RBPJ: variants seen among roughly 807,000 people sequenced by gnomAD.
RBPJ encodes the protein recombination signal binding protein for immunoglobulin kappa J region, also known as recombining binding protein suppressor of hairless.
In RBPJ, 9 loss-of-function variants were observed where a neutral mutation model predicts 67.8. The observed-to-expected ratio is 0.13, with a 90% CI of 0.08 to 0.23. The LOEUF (loss-of-function observed/expected upper bound fraction) is 0.23. Ranked by LOEUF, RBPJ falls within the 10% of genes least tolerant of loss-of-function variation. The pLI, the probability that RBPJ is intolerant of heterozygous loss-of-function variation, is 1.00. For missense variants in RBPJ, 305 were observed against 595.6 expected (o/e 0.51, Z 5.08); for synonymous variants, 198 against 203.3 (o/e 0.97, Z 0.22).
rs1719528460 is a variant in RBPJ, at chr4:26,238,617, C to T, written c.-167+75003C>T. 2.6e-5 allele frequency among the ~76,000 whole-genome samples: 4 copies of T among 152,246 alleles called. No individual in the cohort carries two copies. The South Asian group carries it at 8.3e-4, about 32-fold the overall frequency. ...CCCAGCCTGACTCAGTGTGTGTGCACCTTCCCCTCTGCTGTGACATAGAAA... is the reference window on the plus strand; with the variant it reads ...CCCAGCCTGACTCAGTGTGTGTGCATCTTCCCCTCTGCTGTGACATAGAAA... On this transcript the variant is annotated intron_variant, in intron 1 of 4. Transcript: ENST00000512351.
At chr4:26,226,738 G>A (rs1719089234) in intron 1 of RBPJ, among the ~76,000 whole-genome samples, 1 of 152,144 alleles carries the variant, frequency 6.6e-6, no homozygotes, top group Non-Finnish European at 1.5e-5. Context: ...GAATGTCAGA[G>A]GCACAGAGTG....
chr4:26,329,556 A>G (rs1242945912), intron 1 of RBPJ, among the ~76,000 whole-genome samples: 1 of 152,148 alleles, frequency 6.6e-6, no homozygotes, highest in Non-Finnish European at 1.5e-5. Flanking sequence ...GGAAGAAAAT[A>G]ATACCTCATG....
At chr4:26,370,373 A>G (rs2109544391) in intron 1 of RBPJ, among the ~76,000 whole-genome samples, 1 of 152,322 alleles carries the variant, frequency 6.6e-6, no homozygotes, top group Admixed American at 6.5e-5. Context: ...TTGTTAACTA[A>G]TAACATTATG....
At chr4:26,262,371 G>A (rs935033994) in intron 1 of RBPJ, among the ~76,000 whole-genome samples, 10 of 152,132 alleles carry the variant, frequency 6.6e-5, no homozygotes, top group African/African-American at 1.9e-4. Flanking sequence ...CGTCACACCC[G>A]GCTTTTATCC....
chr4:26,234,993 G>C (rs1454605699), intron 1 of RBPJ, among the ~76,000 whole-genome samples: 4 of 151,988 alleles, frequency 2.6e-5, no homozygotes, highest in Non-Finnish European at 4.4e-5. Context: ...TGCCCGGCCT[G>C]TTTCTCAACT....
intron 1 of RBPJ, among the ~76,000 whole-genome samples, chr4:26,180,379 T>C (rs1398248478): frequency 6.6e-6 from 1 of 151,712 alleles, no homozygotes; most frequent in Non-Finnish European, 1.5e-5. Context: ...GGGCTTCTCT[T>C]TGTTGGGGCT....
chr4:26,117,963 GTATATA>G, the RBPJ span, among the ~76,000 whole-genome samples: 5 of 150,776 alleles, frequency 3.3e-5, no homozygotes, highest in Non-Finnish European at 7.4e-5. Context: ...ACATATTTGT[GTATATA>G]TATATATTTG....
intron 1 of RBPJ, among the ~76,000 whole-genome samples, chr4:26,334,080 G>A (rs1341952725): frequency 2.0e-5 from 3 of 148,742 alleles, no homozygotes; most frequent in African/African-American, 7.5e-5. Flanking sequence ...TCGCTCCGTC[G>A]CCCAGGCTGG....
At chr4:26,188,233 AC>A (rs1717347904) in intron 1 of RBPJ, among the ~76,000 whole-genome samples, 1 of 152,072 alleles carries the variant, frequency 6.6e-6, no homozygotes, top group African/African-American at 2.4e-5. Flanking sequence ...ACACACACAC[AC>A]GTAAAAAAGT....
rs35277701 is a variant in RBPJ at position 26,309,033 on chromosome 4, ATTT to A, written c.-166-53397_-166-53395del. Reference sequence around the variant, plus strand: ...AATTTATTATCCACATAATTATCTAATTTTTTTTTTTTTTTTTTGAGACAGAGT... The same window carrying A: ...AATTTATTATCCACATAATTATCTAATTTTTTTTTTTTTTTGAGACAGAGT... On this transcript the variant is annotated intron_variant, in intron 1 of 4. Transcript: ENST00000512351. Among the ~76,000 whole-genome samples, 1,033 of 141,220 alleles carry A rather than the reference ATTT, an allele frequency of 7.3e-3. 11 individuals carry two copies. Among genetic ancestry groups the A allele is most frequent in the African/African-American group, 0.025 (964 of 38,720 alleles). The allele number at this position is 141,220 out of a possible 152,430, so 92.6% of individuals were successfully genotyped here.
At chr4:26,283,468 C>A (rs1721348430) in intron 1 of RBPJ, among the ~76,000 whole-genome samples, 1 of 150,754 alleles carries the variant, frequency 6.6e-6, no homozygotes, top group Non-Finnish European at 1.5e-5. Flanking sequence ...TCACTTGAAC[C>A]CGGGAGGCGG....
intron 1 of RBPJ, among the ~76,000 whole-genome samples, chr4:26,332,574 T>C (rs950479371): frequency 2.0e-5 from 3 of 152,224 alleles, no homozygotes; most frequent in African/African-American, 7.2e-5. Flanking sequence ...AATTAATTGA[T>C]TTCACATCTG....
intron 1 of RBPJ, among the ~76,000 whole-genome samples, chr4:26,367,447 G>A (rs761584295): frequency 2.6e-5 from 4 of 152,108 alleles, no homozygotes; most frequent in Non-Finnish European, 2.9e-5. Context: ...TCCAGCCTGG[G>A]CAACAGAGCA....
intron 1 of RBPJ, among the ~76,000 whole-genome samples, chr4:26,165,768 A>G (rs1716258723): frequency 1.3e-5 from 2 of 151,178 alleles, no homozygotes; most frequent in East Asian, 3.9e-4. Context: ...CACAATGTGC[A>G]GGTTAGTTAC....
chr4:26,428,009 T>C (rs1735858474), intron 7 of RBPJ, among the ~76,000 whole-genome samples: 1 of 152,216 alleles, frequency 6.6e-6, no homozygotes, highest in African/African-American at 2.4e-5. Context: ...TTATAAGCTT[T>C]AGAGATCAGT....
intron 1 of RBPJ, among the ~76,000 whole-genome samples, chr4:26,198,489 T>A (rs2109150580): frequency 6.6e-6 from 1 of 152,312 alleles, no homozygotes; most frequent in East Asian, 1.9e-4. Flanking sequence ...TGTTTACATA[T>A]TTTATACATT....
At position 26,430,867 on chromosome 4, in the gene RBPJ, A is replaced by G; in HGVS notation, c.1324A>G (p.Ser442Gly). ...AGAACCAGGGCCGCGGCCACATTGC[A>G]GTGCAGCAGGAGCAATCCTTCGAGC... ...TPEPGPRPHCSAAGAILRANS... is the reference protein window; with the variant it reads ...TPEPGPRPHCGAAGAILRANS... The change falls in exon 11 of 11, where the codon AGT becomes GGT. Residue 442 changes from serine to glycine, a missense_variant. Around this residue, in one of 7 missense-constraint regions of RBPJ, gnomAD observed 47 missense variants for 128.2 expected, o/e 0.37. Transcript: ENST00000355476. This position sits in a 1 kb window ranked among gnomAD's most constrained non-coding sequence, Gnocchi z 4.1. The G allele has an allele frequency of 6.2e-7, 1 of 1,614,088 alleles. No homozygotes were observed. The highest frequency in any genetic ancestry group is 8.5e-7 in the Non-Finnish European group (1 of 1,180,006).
chr4:26,192,946 G>C (rs1199129596), intron 1 of RBPJ, among the ~76,000 whole-genome samples: 1 of 152,138 alleles, frequency 6.6e-6, no homozygotes, highest in Non-Finnish European at 1.5e-5. Context: ...GTCCTTATGA[G>C]TGAAAAAGGG....
chr4:26,306,126 C>T (rs1375482378), intron 1 of RBPJ, among the ~76,000 whole-genome samples: 2 of 152,012 alleles, frequency 1.3e-5, no homozygotes, highest in Non-Finnish European at 2.9e-5. Flanking sequence ...TGTCAATATA[C>T]AAGATCATGT....
Sources: gnomAD v4.1 joint callset for allele counts (sites outside exome capture counted in the v4.1 genomes callset) on GRCh38, gnomAD v4.1.1 for gene constraint, gnomAD v4.1.1 regional missense constraint, Gnocchi (gnomAD v3.1) non-coding constraint, MANE v1.5 for transcripts, NCBI Gene and HGNC (gene_info 2026-07-23, HGNC 2026-07-21) for gene names.